The following ISM1 variants were observed in gnomAD, a reference collection of about 807,000 sequenced individuals.
The protein encoded by ISM1 is isthmin 1.
A neutral mutation model predicts 46.3 loss-of-function variants in ISM1; 25 were observed. That is an observed-to-expected ratio of 0.54 (90% CI 0.39 to 0.75). The LOEUF (loss-of-function observed/expected upper bound fraction) is 0.75, where lower values mean the gene tolerates loss of function less well. Among genes scored for constraint, ISM1 ranks in the 30% least tolerant of loss-of-function variants. The pLI is 0.00. For missense variants in ISM1, 536 were observed against 625.4 expected (o/e 0.86, Z 1.52); for synonymous variants, 255 against 256.7 (o/e 0.99, Z 0.06).
At chr20:13,227,272 T>G (rs1015315122) in intron 1 of ISM1, among the ~76,000 whole-genome samples, 1 of 152,122 alleles carries the variant, frequency 6.6e-6, no homozygotes. Context: ...GGCGCTATCT[T>G]GGCTCACTGC....
intron 2 of ISM1, among the ~76,000 whole-genome samples, chr20:13,275,048 C>CA (rs961987650): frequency 2.0e-5 from 3 of 152,282 alleles, no homozygotes; most frequent in African/African-American, 7.2e-5. Flanking sequence ...ATATCAGAGA[C>CA]AAAAATCTCT....
At chr20:13,247,505 A>G (rs1168867420) in intron 1 of ISM1, among the ~76,000 whole-genome samples, 4 of 142,596 alleles carry the variant, frequency 2.8e-5, no homozygotes, top group Middle Eastern at 3.3e-3. Context: ...CATTTCTGGC[A>G]GCAAAGTGAG....
chr20:13,311,119 G>A, the ISM1 span, among the ~76,000 whole-genome samples: 16,934 of 152,064 alleles, frequency 0.11, 1,357 homozygotes, highest in Non-Finnish European at 0.17. Flanking sequence ...ACTTGAACCC[G>A]GGAAGCGGAG....
the ISM1 span, among the ~76,000 whole-genome samples, chr20:13,309,350 G>C: frequency 6.6e-4 from 99 of 150,984 alleles, no homozygotes; most frequent in African/African-American, 2.2e-3. Context: ...GAGATGAAGA[G>C]AGTATTTGAC....
chr20:13,290,536 C>G (rs2040341464), intron 4 of ISM1, among the ~76,000 whole-genome samples: 1 of 152,070 alleles, frequency 6.6e-6, no homozygotes, highest in Non-Finnish European at 1.5e-5. Flanking sequence ...GTAGTCCCAG[C>G]TACTCGGGAG....
chr20:13,274,059 TTGTG>T (rs143496462), intron 2 of ISM1, among the ~76,000 whole-genome samples: 1 of 150,714 alleles, frequency 6.6e-6, no homozygotes, highest in African/African-American at 2.4e-5. Context: ...TGGCGTGTAA[TTGTG>T]TGTGTGTGTG....
At chr20:13,318,940 T>C in the ISM1 span, among the ~76,000 whole-genome samples, 1 of 152,170 alleles carries the variant, frequency 6.6e-6, no homozygotes, top group Non-Finnish European at 1.5e-5. Context: ...TGTGTTACTA[T>C]AATGGTTAAT....
At chr20:13,282,072 C>T (rs1333963030) in intron 3 of ISM1, among the ~76,000 whole-genome samples, 1 of 152,162 alleles carries the variant, frequency 6.6e-6, no homozygotes, top group African/African-American at 2.4e-5. Flanking sequence ...CCTCCAGGCA[C>T]TCTGCTGCAT....
At chr20:13,248,231 A>G (rs1237676746) in intron 1 of ISM1, among the ~76,000 whole-genome samples, 5 of 152,156 alleles carry the variant, frequency 3.3e-5, no homozygotes, top group African/African-American at 9.7e-5. Context: ...ATTCTTCTTT[A>G]TGAACATTTC....
intron 1 of ISM1, among the ~76,000 whole-genome samples, chr20:13,253,067 G>C (rs188344475): frequency 3.3e-5 from 5 of 152,172 alleles, no homozygotes; most frequent in African/African-American, 1.2e-4. Context: ...GACACACAGC[G>C]AGGGAGAAAT....
At chr20:13,224,832 GCTTT>G (rs1235520083) in intron 1 of ISM1, among the ~76,000 whole-genome samples, 2,059 of 148,008 alleles carry the variant, frequency 0.014, 22 homozygotes, top group South Asian at 0.026. Context: ...ACACATACTA[GCTTT>G]CTTTCTTTTT....
chr20:13,303,513 A>T (rs887737427), downstream of ISM1, among the ~76,000 whole-genome samples: 1 of 152,302 alleles, frequency 6.6e-6, no homozygotes, highest in East Asian at 1.9e-4. Context: ...TGTTAGGTAG[A>T]GCTCAGGGGC....
intron 1 of ISM1, among the ~76,000 whole-genome samples, chr20:13,253,219 C>T (rs79650717): frequency 0.022 from 3,327 of 152,268 alleles, 120 homozygotes; most frequent in African/African-American, 0.076. Flanking sequence ...TTTTGATCTT[C>T]TCACCCTGCG....
rs1301897840 is a variant in ISM1 at position 13,299,258 on chromosome 20, G to A, written c.1194G>A (p.Lys398=). The change falls in exon 6 of 6, where the codon AAG becomes AAA. Residue 398 remains lysine (K), a synonymous_variant. Transcript: ENST00000262487. This position sits in a 1 kb window ranked among gnomAD's most constrained non-coding sequence, Gnocchi z 5.8. ...ACATGCAGCTCATCACCAGGGGCAA[G>A]GGGGCGGGCACGCCCAACCTCATCA... ...GDNMQLITRG[K]GAGTPNLIST... is the part of the protein sequence containing the mutation. 1.9e-6 allele frequency: 3 copies of A among 1,607,118 alleles called. No homozygotes were observed. Among genetic ancestry groups the A allele is most frequent in the African/African-American group, 1.3e-5 (1 of 74,764 alleles).
At chr20:13,243,155 G>A (rs2039749886) in intron 1 of ISM1, among the ~76,000 whole-genome samples, 1 of 152,136 alleles carries the variant, frequency 6.6e-6, no homozygotes, top group Admixed American at 6.5e-5. Context: ...AAGAACTCTT[G>A]CCTTGGAATT....
At chr20:13,289,759 T>C (rs1397562019) in intron 4 of ISM1, among the ~76,000 whole-genome samples, 1 of 152,032 alleles carries the variant, frequency 6.6e-6, no homozygotes, top group Non-Finnish European at 1.5e-5. Context: ...TCTGACCCTT[T>C]AAAAAAGGCT....
chr20:13,225,854 G>A (rs1275205302), intron 1 of ISM1, among the ~76,000 whole-genome samples: 1 of 151,996 alleles, frequency 6.6e-6, no homozygotes, highest in African/African-American at 2.4e-5. Flanking sequence ...TTTAATTAAT[G>A]TTAATGATAA....
the ISM1 span, among the ~76,000 whole-genome samples, chr20:13,312,786 G>C: frequency 6.6e-6 from 1 of 152,152 alleles, no homozygotes; most frequent in Non-Finnish European, 1.5e-5. Context: ...TTACAAATGA[G>C]GACCCTGAAG....
chr20:13,253,228 C>T (rs1043002767), intron 1 of ISM1, among the ~76,000 whole-genome samples: 5 of 152,164 alleles, frequency 3.3e-5, no homozygotes, highest in African/African-American at 4.8e-5. Flanking sequence ...TCTCACCCTG[C>T]GTGTTGATCT....
Sources: allele counts gnomAD v4.1 joint callset (sites outside exome capture counted in the v4.1 genomes callset), GRCh38; gene constraint gnomAD v4.1.1; non-coding constraint Gnocchi (gnomAD v3.1); transcripts MANE v1.5; gene names NCBI Gene and HGNC (gene_info 2026-07-23, HGNC 2026-07-21).